The following CNTN5 variants were observed in gnomAD, a reference collection of about 807,000 sequenced individuals.
CNTN5 encodes the protein contactin-5.
CNTN5 carries 77 observed loss-of-function variants against 129.1 expected under a neutral mutation model. The observed-to-expected ratio is 0.60, with a 90% CI of 0.50 to 0.72. The LOEUF (loss-of-function observed/expected upper bound fraction) is 0.72, where lower values mean the gene tolerates loss of function less well. Ranked by LOEUF, CNTN5 falls within the 30% of genes least tolerant of loss-of-function variation. The probability of loss-of-function intolerance (pLI) is 0.00; values close to 1 mark genes in which losing one functional copy is unlikely to be tolerated. For synonymous variants in CNTN5, 509 were observed against 465.6 expected (o/e 1.09, Z -1.20); for missense variants, 1,478 against 1,328.8 (o/e 1.11, Z -1.75).
At chr11:99,791,724 A>C (rs971951838) in intron 3 of CNTN5, among the ~76,000 whole-genome samples, 1 of 152,124 alleles carries the variant, frequency 6.6e-6, no homozygotes, top group African/African-American at 2.4e-5. Context: ...CATTTTTAAC[A>C]ATCTTGATTA....
intron 2 of CNTN5, among the ~76,000 whole-genome samples, chr11:99,444,751 A>G (rs536010487): frequency 2.0e-5 from 3 of 152,182 alleles, no homozygotes; most frequent in Admixed American, 6.5e-5. Flanking sequence ...ATATGCATCT[A>G]TATATGCAAA....
At chr11:99,305,044 C>T (rs1280884519) in intron 1 of CNTN5, among the ~76,000 whole-genome samples, 1 of 152,106 alleles carries the variant, frequency 6.6e-6, no homozygotes, top group Non-Finnish European at 1.5e-5. Flanking sequence ...CTTAAGAATA[C>T]CCTCTTTACA....
At chr11:100,185,794 ACGTGAGCACACGGTGAGAAGGCAG>A (rs1161488307) in intron 13 of CNTN5, among the ~76,000 whole-genome samples, 1 of 152,192 alleles carries the variant, frequency 6.6e-6, no homozygotes, top group Non-Finnish European at 1.5e-5. Flanking sequence ...AGGAAAGGCC[ACGTGAGCACACGGTGAGAAGGCAG>A]CAATCTGCAA....
intron 1 of CNTN5, among the ~76,000 whole-genome samples, chr11:99,069,039 C>A (rs1004210197): frequency 1.2e-4 from 18 of 152,144 alleles, no homozygotes; most frequent in African/African-American, 4.1e-4. Context: ...GATGACTCAT[C>A]CTTACCCTAA....
At chr11:99,094,128 ACTAT>A (rs1468313478) in intron 1 of CNTN5, among the ~76,000 whole-genome samples, 2 of 151,982 alleles carry the variant, frequency 1.3e-5, no homozygotes, top group South Asian at 2.1e-4. Flanking sequence ...GTCTTTTGTC[ACTAT>A]CTATCAAATA....
chr11:99,398,742 AT>A (rs1273780010), intron 2 of CNTN5, among the ~76,000 whole-genome samples: 5 of 151,776 alleles, frequency 3.3e-5, no homozygotes, highest in Non-Finnish European at 7.4e-5. Flanking sequence ...CTGTTTATCA[AT>A]TTTTTTACTT....
rs76826303 is a variant in CNTN5 at position 99,070,998 on chromosome 11, T to C, written c.-210+49728T>C. On this transcript the variant is annotated intron_variant, in intron 1 of 24. Coordinates refer to ENST00000524871, the MANE Select transcript of CNTN5 (RefSeq NM_014361.4). ...ATAAGTCTGTGACCGGTCCTGATAT[T>C]CTACAAGCTTACATGGCCCTGCTTG... Among the ~76,000 whole-genome samples the C allele has an allele frequency of 2.0e-3, 297 of 152,248 alleles. 2 individuals are homozygous for C. Among genetic ancestry groups the C allele is most frequent in the African/African-American group, 6.8e-3 (284 of 41,562 alleles).
chr11:99,095,468 T>G (rs1224773462), intron 1 of CNTN5, among the ~76,000 whole-genome samples: 1 of 151,940 alleles, frequency 6.6e-6, no homozygotes, highest in Non-Finnish European at 1.5e-5. Context: ...TGGAAGTTAC[T>G]TCTTTTACCT....
At chr11:99,972,941 C>T (rs1275195649) in intron 8 of CNTN5, among the ~76,000 whole-genome samples, 1 of 151,938 alleles carries the variant, frequency 6.6e-6, no homozygotes, top group Non-Finnish European at 1.5e-5. Context: ...TGAGTGTTTC[C>T]GTACATTTCC....
chr11:99,881,317 T>G (rs1948765793), intron 6 of CNTN5, among the ~76,000 whole-genome samples: 1 of 152,194 alleles, frequency 6.6e-6, no homozygotes, highest in Non-Finnish European at 1.5e-5. Flanking sequence ...TTATAATGAT[T>G]ATACAAAATA....
chr11:99,771,956 G>T (rs1944960781), intron 3 of CNTN5, among the ~76,000 whole-genome samples: 1 of 151,348 alleles, frequency 6.6e-6, no homozygotes, highest in African/African-American at 2.4e-5. Flanking sequence ...ATGAGTGTCT[G>T]GGAGAAAAAA....
chr11:99,971,424 T>G (rs550792735), intron 8 of CNTN5, among the ~76,000 whole-genome samples: 8 of 151,962 alleles, frequency 5.3e-5, no homozygotes, highest in Non-Finnish European at 8.8e-5. Context: ...GCGCCTGTAG[T>G]CACAACTACT....
chr11:99,407,993 T>A (rs902219926), intron 2 of CNTN5, among the ~76,000 whole-genome samples: 6 of 152,282 alleles, frequency 3.9e-5, no homozygotes, highest in Admixed American at 3.9e-4. Flanking sequence ...GTTCAGTGCC[T>A]CTTTCAGTGA....
At chr11:99,528,260 C>G (rs1055223396) in intron 2 of CNTN5, among the ~76,000 whole-genome samples, 3 of 152,040 alleles carry the variant, frequency 2.0e-5, no homozygotes, top group Admixed American at 6.6e-5. Context: ...ACTTCCTAGG[C>G]CAATTTACAC....
intron 9 of CNTN5, among the ~76,000 whole-genome samples, chr11:100,040,253 G>A (rs1365973168): frequency 2.0e-5 from 3 of 152,176 alleles, no homozygotes; most frequent in Non-Finnish European, 4.4e-5. Flanking sequence ...CTGTTTGCCT[G>A]GGTATCAGCA....
At chr11:99,862,950 G>T (rs1474933649) in intron 6 of CNTN5, among the ~76,000 whole-genome samples, 1 of 152,062 alleles carries the variant, frequency 6.6e-6, no homozygotes, top group Non-Finnish European at 1.5e-5. Context: ...ATATGTGTGT[G>T]TTTGGTTGAG....
intron 4 of CNTN5, among the ~76,000 whole-genome samples, chr11:99,823,906 G>C (rs779978200): frequency 6.6e-6 from 1 of 151,816 alleles, no homozygotes; most frequent in Non-Finnish European, 1.5e-5. Context: ...TAAAATTTTT[G>C]TGTCAATGAT....
chr11:99,150,151 T>C (rs1859981994), intron 1 of CNTN5, among the ~76,000 whole-genome samples: 1 of 152,070 alleles, frequency 6.6e-6, no homozygotes, highest in Admixed American at 6.5e-5. Flanking sequence ...AATTTACATG[T>C]TAAATTTTAG....
At chr11:99,689,682 G>A (rs750803323) in intron 3 of CNTN5, among the ~76,000 whole-genome samples, 26 of 151,904 alleles carry the variant, frequency 1.7e-4, no homozygotes, top group Non-Finnish European at 2.8e-4. Flanking sequence ...AATTATCAGT[G>A]TTGTTGGGCT....
Sources: allele counts gnomAD v4.1 joint callset (sites outside exome capture counted in the v4.1 genomes callset), GRCh38; gene constraint gnomAD v4.1.1; transcripts MANE v1.5; gene names NCBI Gene and HGNC (gene_info 2026-07-23, HGNC 2026-07-21).